The following CSMD3 variants were observed in gnomAD, a reference collection of about 807,000 sequenced individuals.
CSMD3 encodes CUB and Sushi multiple domains 3, also known as CUB and sushi domain-containing protein 3.
Under a neutral mutation model 435.2 loss-of-function variants are expected in CSMD3, and 177 were observed. That is an observed-to-expected ratio of 0.41 (90% CI 0.36 to 0.46). CSMD3 has a LOEUF of 0.46. Among genes scored for constraint, CSMD3 ranks in the 20% least tolerant of loss-of-function variants. The probability of loss-of-function intolerance (pLI) is 0.34; values close to 1 mark genes in which losing one functional copy is unlikely to be tolerated. For missense variants in CSMD3, 4,265 were observed against 4,504.6 expected (o/e 0.95, Z 1.52); for synonymous variants, 1,656 against 1,520.5 (o/e 1.09, Z -2.07).
intron 13 of CSMD3, among the ~76,000 whole-genome samples, chr8:112,709,704 G>A (rs2076571062): frequency 1.3e-5 from 2 of 152,012 alleles, no homozygotes; most frequent in African/African-American, 4.8e-5. Context: ...TGGGACTGCT[G>A]TTTTAGGCAA....
chr8:112,370,311 A>G (rs1586902417), intron 38 of CSMD3, among the ~76,000 whole-genome samples: 1 of 152,214 alleles, frequency 6.6e-6, no homozygotes. Flanking sequence ...AAGTAGTTTA[A>G]TATTCATGCA....
At chr8:112,338,471 A>G (rs1463105756) in intron 42 of CSMD3, among the ~76,000 whole-genome samples, 1 of 152,190 alleles carries the variant, frequency 6.6e-6, no homozygotes, top group South Asian at 2.1e-4. Flanking sequence ...AACAGGGCCT[A>G]TTCTCATAAA....
intron 13 of CSMD3, among the ~76,000 whole-genome samples, chr8:112,711,843 G>A (rs1563882269): frequency 1.3e-5 from 2 of 151,962 alleles, no homozygotes; most frequent in Non-Finnish European, 2.9e-5. Context: ...AGCTCACTGA[G>A]GCCTCCAATT....
intron 3 of CSMD3, among the ~76,000 whole-genome samples, chr8:113,210,973 G>A (rs536474887): frequency 2.0e-5 from 3 of 151,806 alleles, no homozygotes; most frequent in Admixed American, 1.3e-4. Flanking sequence ...ACATTTCACT[G>A]CCTCCCATGT....
rs907314001 is a variant in CSMD3, at chr8:112,534,980, A to C, written c.4564+15691T>G. Among the ~76,000 whole-genome samples, 460 of 152,182 alleles carry C rather than the reference A, an allele frequency of 3.0e-3. 1 individual carries two copies. The highest frequency in any genetic ancestry group is 0.011 in the African/African-American group (444 of 41,556). On this transcript the variant is annotated intron_variant, in intron 27 of 70. Coordinates refer to ENST00000297405, the MANE Select transcript of CSMD3 (RefSeq NM_198123.2). The stretch of plus-strand genomic sequence containing the variant: ...AAAAGGCCTTTGACAAAATTCAACA[A>C]CCCTTCATGCTAAAAACTCTCAATA...
At position 113,111,501 on chromosome 8, in the gene CSMD3, C is replaced by T. The variant is rs911844470; in HGVS notation, c.710-12538G>A. ...CCAGTGACTATTCACTTTCCCCCTC[C>T]GCCCCCACAATCCACCAATCTTATT... is the stretch of plus-strand genomic sequence containing the variant. On this transcript the variant is annotated intron_variant, in intron 4 of 70. Transcript: ENST00000297405. Among the ~76,000 whole-genome samples the T allele has an allele frequency of 4.6e-5, 7 of 152,024 alleles. No homozygotes were observed. In the South Asian group the frequency reaches 6.2e-4, roughly 14 times the overall value.
At chr8:112,941,815 A>G (rs2130769587) in intron 9 of CSMD3, among the ~76,000 whole-genome samples, 1 of 151,772 alleles carries the variant, frequency 6.6e-6, no homozygotes, top group South Asian at 2.1e-4. Context: ...TTTCAGGTTT[A>G]TAAAATAATC....
At chr8:113,278,742 A>T (rs1269095233) in intron 2 of CSMD3, 38 bp from the exon 3 acceptor site, 2 of 932,004 alleles carry the variant, frequency 2.1e-6, no homozygotes, top group Admixed American at 1.7e-5. Flanking sequence ...AGACATAATC[A>T]TTTTATCTAA....
At chr8:112,913,220 C>CG (rs1025309458) in intron 10 of CSMD3, among the ~76,000 whole-genome samples, 1 of 151,856 alleles carries the variant, frequency 6.6e-6, no homozygotes, top group Non-Finnish European at 1.5e-5. Flanking sequence ...TCCATGGACT[C>CG]GGGGGAGGAG....
intron 23 of CSMD3, among the ~76,000 whole-genome samples, chr8:112,586,814 T>C (rs2131351047): frequency 6.7e-6 from 1 of 150,112 alleles, no homozygotes; most frequent in African/African-American, 2.4e-5. Context: ...TATTAAGACA[T>C]TAAAATTTAT....
At chr8:113,324,387 C>T (rs1168986068) in intron 1 of CSMD3, among the ~76,000 whole-genome samples, 1 of 152,110 alleles carries the variant, frequency 6.6e-6, no homozygotes, top group African/African-American at 2.4e-5. Flanking sequence ...GGACTTAGTG[C>T]TCTGTGTCCC....
chr8:112,488,568 C>G (rs1243169101), intron 31 of CSMD3, among the ~76,000 whole-genome samples: 2 of 152,190 alleles, frequency 1.3e-5, no homozygotes, highest in Admixed American at 6.5e-5. Context: ...GCCTACCAGT[C>G]AGTCACAGTT....
intron 3 of CSMD3, among the ~76,000 whole-genome samples, chr8:113,187,723 C>T (rs535051460): frequency 6.6e-6 from 1 of 152,052 alleles, no homozygotes; most frequent in Non-Finnish European, 1.5e-5. Context: ...AATCACCCCA[C>T]CTAATATGTA....
At chr8:112,984,124 T>C (rs954277028) in intron 6 of CSMD3, among the ~76,000 whole-genome samples, 6 of 151,950 alleles carry the variant, frequency 3.9e-5, no homozygotes, top group African/African-American at 1.4e-4. Context: ...AAAGCTATCA[T>C]TGCCCTAAAA....
chr8:112,451,642 G>A lies in CSMD3; in HGVS notation c.5395+20949C>T, dbSNP rs140219043. On this transcript the variant is annotated intron_variant, in intron 32 of 70. Transcript: ENST00000297405. ...CAACCTCCGCCTCCCGGGTTCAAGCGATTGTCCTGCCTCAGCCTCCCAAGT... is the reference window on the plus strand; with the variant it reads ...CAACCTCCGCCTCCCGGGTTCAAGCAATTGTCCTGCCTCAGCCTCCCAAGT... Among the ~76,000 whole-genome samples the A allele has an allele frequency of 7.0e-3, 1,062 of 151,956 alleles. 5 individuals are homozygous for A. The highest frequency in any genetic ancestry group is 0.019 in the African/African-American group (806 of 41,484).
intron 6 of CSMD3, among the ~76,000 whole-genome samples, chr8:112,985,093 A>G (rs2085206427): frequency 6.6e-6 from 1 of 152,140 alleles, no homozygotes; most frequent in Non-Finnish European, 1.5e-5. Flanking sequence ...AAAAATAACC[A>G]GAGCAATGTG....
chr8:112,501,216 T>C (rs1446121208), intron 30 of CSMD3, among the ~76,000 whole-genome samples: 5 of 151,838 alleles, frequency 3.3e-5, no homozygotes, highest in African/African-American at 9.7e-5. Context: ...TCAGACAACA[T>C]AGATATATTT....
intron 61 of CSMD3, among the ~76,000 whole-genome samples, chr8:112,260,575 AT>A (rs760406526): frequency 3.3e-5 from 5 of 151,502 alleles, no homozygotes; most frequent in Admixed American, 6.6e-5. Flanking sequence ...CTTGATTGTA[AT>A]TTTTTTTTCA....
At chr8:113,427,827 T>G (rs1363954301) in intron 1 of CSMD3, among the ~76,000 whole-genome samples, 1 of 151,528 alleles carries the variant, frequency 6.6e-6, no homozygotes, top group Non-Finnish European at 1.5e-5. Flanking sequence ...TAGAGCTGAG[T>G]GGAAGGTTAA....
Sources: allele counts gnomAD v4.1 joint callset (sites outside exome capture counted in the v4.1 genomes callset), GRCh38; gene constraint gnomAD v4.1.1; transcripts MANE v1.5; gene names NCBI Gene and HGNC (gene_info 2026-07-23, HGNC 2026-07-21).